PLCE1: variants seen among roughly 807,000 people sequenced by gnomAD.
PLCE1 encodes phospholipase C epsilon 1.
In PLCE1, 119 loss-of-function variants were observed where a neutral mutation model predicts 242.8. The ratio of observed to expected loss-of-function variants is 0.49; its 90% confidence interval spans 0.42 to 0.57. The LOEUF (loss-of-function observed/expected upper bound fraction) is 0.57. Among genes scored for constraint, PLCE1 ranks in the 20% least tolerant of loss-of-function variants. The pLI, the probability that PLCE1 is intolerant of heterozygous loss-of-function variation, is 0.00. For synonymous variants in PLCE1, 945 were observed against 1,017.4 expected (o/e 0.93, Z 1.35); for missense variants, 2,441 against 2,788.8 (o/e 0.88, Z 2.81).
chr10:94,217,433 T>C (rs1322588935), intron 4 of PLCE1, among the ~76,000 whole-genome samples: 2 of 152,208 alleles, frequency 1.3e-5, no homozygotes, highest in Non-Finnish European at 2.9e-5. Context: ...AATCTCATCA[T>C]ATTAAAGTGG....
chr10:94,076,461 G>T (rs2135176889), intron 2 of PLCE1, among the ~76,000 whole-genome samples: 1 of 152,200 alleles, frequency 6.6e-6, no homozygotes, highest in African/African-American at 2.4e-5. Context: ...CAGGGTTGGA[G>T]GGGTCAGTGT....
chr10:94,151,109 A>C (rs1045545575), intron 3 of PLCE1, among the ~76,000 whole-genome samples: 3 of 152,208 alleles, frequency 2.0e-5, no homozygotes, highest in Non-Finnish European at 2.9e-5. Flanking sequence ...GGTCTCCCCC[A>C]GACCTGTATA....
chr10:94,283,999 CCCTT>C (rs2052344889), intron 21 of PLCE1, 88 bp downstream of exon 21: 1 of 1,468,134 alleles, frequency 6.8e-7, no homozygotes, highest in Non-Finnish European at 9.4e-7. Flanking sequence ...CCCTGTCCCT[CCCTT>C]TCACCTTTCC....
At chr10:94,076,303 G>A (rs1036897954) in intron 2 of PLCE1, among the ~76,000 whole-genome samples, 1 of 152,164 alleles carries the variant, frequency 6.6e-6, no homozygotes, top group Non-Finnish European at 1.5e-5. Context: ...TCCTGGCTTA[G>A]AGTAAAGACA....
At position 94,279,928 on chromosome 10, in the gene PLCE1, C is replaced by T. The variant is rs2052133877; in HGVS notation, c.4795+17C>T. 1 of 1,612,802 alleles carries T rather than the reference C, an allele frequency of 6.2e-7. No individual in the cohort carries two copies. Among genetic ancestry groups the T allele is most frequent in the Admixed American group, 1.7e-5 (1 of 59,956 alleles). ...TTTCTGATGGTAAGAGAAACAGATC[C>T]CTATGCTGTGCACAGGAAAATTCTT... On this transcript the variant is annotated intron_variant, in intron 20 of 32. Transcript: ENST00000371380.
chr10:94,252,465 C>T lies in PLCE1; in HGVS notation c.3246C>T (p.Ser1082=). The T allele has an allele frequency of 6.2e-7, 1 of 1,613,796 alleles. No homozygotes were observed. The highest frequency in any genetic ancestry group is 8.5e-7 in the Non-Finnish European group (1 of 1,179,886). Residue 1082 remains serine, a synonymous_variant, in exon 9 of 33, where the codon AGC becomes AGT. Transcript: ENST00000371380. The part of the protein sequence containing the change: ...NMQRNNTLGI[S]TTKKKKKILM... ...AGAGAAACAATACCCTGGGCATAAG[C>T]ACTACCAAGAAAAAGAAGAAAATCC...
intron 4 of PLCE1, among the ~76,000 whole-genome samples, chr10:94,210,215 C>T (rs2049289701): frequency 6.7e-6 from 1 of 150,274 alleles, no homozygotes; most frequent in Admixed American, 6.6e-5. Flanking sequence ...TTTCTATCAT[C>T]TATGCCGTAA....
chr10:93,996,482 T>C (rs2060825943), intron 1 of PLCE1, among the ~76,000 whole-genome samples: 1 of 152,132 alleles, frequency 6.6e-6, no homozygotes, highest in Non-Finnish European at 1.5e-5. Flanking sequence ...GCATGTGATT[T>C]AGTTATGTAA....
At chr10:94,199,551 C>T (rs1461133835) in intron 4 of PLCE1, among the ~76,000 whole-genome samples, 1 of 152,234 alleles carries the variant, frequency 6.6e-6, no homozygotes, top group Non-Finnish European at 1.5e-5. Context: ...CAATGCAAAA[C>T]TTGTTTCCCA....
rs1423603728 is a variant in PLCE1, at chr10:94,132,430, GA to G, written c.1464del (p.Gly489AspfsTer6). The G allele has an allele frequency of 6.2e-7, 1 of 1,614,114 alleles. No homozygotes were observed. The highest frequency in any genetic ancestry group is 8.5e-7 in the Non-Finnish European group (1 of 1,180,010). ...AGAAGTGGCCTTCTCAGTACTTTTG[GA>G]GGATCCACTGGACGAATGATGCTGA... ...GARSGLLSTF[G>X]GSTGRMMLKE... On this transcript the variant is annotated frameshift_variant, in exon 3 of 33. Transcript: ENST00000371380. LOFTEE classifies it high-confidence loss of function.
rs764021031 is a variant in PLCE1, at chr10:94,246,091, G to A, written c.2566G>A (p.Asp856Asn). The change falls in exon 8 of 33, where the codon GAT becomes AAT. Residue 856 changes from aspartate to asparagine, a missense_variant. By Grantham distance (23) the Asp-to-Asn change is conservative (BLOSUM62 1). This residue lies in a region of PLCE1 where 733 missense variants were observed against 754.2 expected (regional missense o/e 0.97). Coordinates refer to ENST00000371380, the MANE Select transcript of PLCE1 (RefSeq NM_016341.4). ...IPWYVLSIQADVHQFLLQGAT... is the reference protein window; with the variant it reads ...IPWYVLSIQANVHQFLLQGAT... ...TTGGTACGTGCTGTCCATCCAAGCC[G>A]ATGTGCACCAGTTCCTGCTGCAGGG... 27 of 1,613,956 alleles carry A rather than the reference G, an allele frequency of 1.7e-5. No homozygotes were observed. The highest frequency in any genetic ancestry group is 1.5e-4 in the South Asian group (14 of 91,082).
intron 14 of PLCE1, 57 bp from the exon 15 acceptor site, chr10:94,265,590 T>C (rs1417727373): frequency 2.8e-6 from 4 of 1,410,578 alleles, no homozygotes; most frequent in Non-Finnish European, 4.0e-6. Context: ...TGGTGGTTTC[T>C]TTCCCCCTCT....
chr10:94,322,128 A>G (rs1186831249), intron 30 of PLCE1, 69 bp downstream of exon 30: 2 of 1,401,204 alleles, frequency 1.4e-6, no homozygotes, highest in Non-Finnish European at 2.0e-6. Context: ...ATGTCTGTGC[A>G]CTGATGGCTC....
At chr10:94,129,755 A>G (rs2046539129) in intron 2 of PLCE1, among the ~76,000 whole-genome samples, 1 of 140,686 alleles carries the variant, frequency 7.1e-6, no homozygotes, top group African/African-American at 2.4e-5. Context: ...ACCAGCGAAA[A>G]CAAAAACAAA....
At chr10:94,313,859 A>T (rs528552172) in intron 28 of PLCE1, among the ~76,000 whole-genome samples, 48 of 152,276 alleles carry the variant, frequency 3.2e-4, no homozygotes, top group Admixed American at 1.0e-3. Context: ...TGGACCAAGG[A>T]GACATTTTCT....
intron 2 of PLCE1, among the ~76,000 whole-genome samples, chr10:94,118,149 T>TTAAGTTTTTAACC (rs2046191808): frequency 6.6e-6 from 1 of 152,180 alleles, no homozygotes; most frequent in South Asian, 2.1e-4. Context: ...TTTTTTAAAC[T>TTAAGTTTTTAACC]TAAGTTTTTA....
intron 32 of PLCE1, chr10:94,325,583 GA>G (rs1270604072): frequency 7.0e-6 from 1 of 143,854 alleles, no homozygotes. Flanking sequence ...CAATGAGAGT[GA>G]AAACTCCGTC....
rs1315751781 is a variant in PLCE1 at position 94,253,635 on chromosome 10, A to G, written c.3280-555A>G. On this transcript the variant is annotated intron_variant, in intron 9 of 32. Coordinates refer to ENST00000371380, the MANE Select transcript of PLCE1 (RefSeq NM_016341.4). ...CTCCCAAAGTGTTGGGATTACAGGC[A>G]TGAGCCACCACACCCAGCCTACACA... is the stretch of plus-strand genomic sequence containing the variant. 5.9e-5 allele frequency among the ~76,000 whole-genome samples: 9 copies of G among 152,210 alleles called. No homozygotes were observed. In the East Asian group the frequency reaches 1.2e-3, roughly 20 times the overall value.
intron 2 of PLCE1, among the ~76,000 whole-genome samples, chr10:94,071,776 G>C (rs1014739752): frequency 6.6e-6 from 1 of 152,072 alleles, no homozygotes; most frequent in East Asian, 1.9e-4. Context: ...TAGGAATACA[G>C]GGGTGAACCA....
Sources: gnomAD v4.1 joint callset for allele counts (sites outside exome capture counted in the v4.1 genomes callset) on GRCh38, gnomAD v4.1.1 for gene constraint, gnomAD v4.1.1 regional missense constraint, MANE v1.5 for transcripts, NCBI Gene and HGNC (gene_info 2026-07-23, HGNC 2026-07-21) for gene names.